Variants in KIF13A observed in about 807,000 individuals in gnomAD.
The protein encoded by KIF13A is kinesin family member 13A.
KIF13A carries 79 observed loss-of-function variants against 212.2 expected under a neutral mutation model. The ratio of observed to expected loss-of-function variants is 0.37; its 90% CI spans 0.31 to 0.45. The LOEUF (loss-of-function observed/expected upper bound fraction) is 0.45, where lower values mean the gene tolerates loss of function less well. Ranked by LOEUF, KIF13A falls within the 20% of genes least tolerant of loss-of-function variation. The pLI is 1.00. For synonymous variants in KIF13A, 789 were observed against 808.6 expected (o/e 0.98, Z 0.41); for missense variants, 1,901 against 2,209.0 (o/e 0.86, Z 2.79).
chr6:17,760,744 T>C, downstream of KIF13A: 3 of 1,093,992 alleles, frequency 2.7e-6, no homozygotes, highest in Non-Finnish European at 4.2e-6. Flanking sequence ...CAGCTTCTGG[T>C]CTGAGGTCCA....
chr6:17,931,427 A>T (rs565171335), intron 2 of KIF13A, among the ~76,000 whole-genome samples: 141 of 152,208 alleles, frequency 9.3e-4, no homozygotes, highest in Non-Finnish European at 1.2e-3. Flanking sequence ...AACACTTACC[A>T]TGTGTTTAGC....
In KIF13A at chr6:17,816,001, G is replaced by C. The variant is rs1366325831; in HGVS notation, c.2000+1019C>G. ...TGGCTTACTGTAACCATTGCCTCCT[G>C]GGTTCAAGCGATTCTCCTGCCTCAG... On this transcript the variant is annotated intron_variant, in intron 17 of 38. Coordinates refer to ENST00000259711, the MANE Select transcript of KIF13A (RefSeq NM_022113.6). This position sits in a 1 kb window ranked among gnomAD's most constrained non-coding sequence, Gnocchi z 4.3. Among the ~76,000 whole-genome samples, 1 of 151,060 alleles carries C rather than the reference G, an allele frequency of 6.6e-6. No individual in the cohort carries two copies. The highest frequency in any genetic ancestry group is 1.5e-5 in the Non-Finnish European group (1 of 67,922).
rs1031546895 is a variant in KIF13A, at chr6:17,837,425, G to T, written c.942+47C>A. 3.0e-6 allele frequency: 4 copies of T among 1,338,964 alleles called. No homozygotes were observed. The Admixed American group carries it at 7.8e-5, about 26-fold the overall frequency. The allele number at this position is 1,338,964 out of a possible 1,614,324, so 82.9% of individuals were successfully genotyped here. On this transcript the variant is annotated intron_variant, in intron 10 of 38. Transcript: ENST00000259711. This position sits in a 1 kb window ranked among gnomAD's most constrained non-coding sequence, Gnocchi z 5.4. ...ACACACCTTTACTCTGTCACATCTG[G>T]AATAGCCAATTTTTAGTTGGAAAAG...
rs1244716815 is a variant in KIF13A, at chr6:17,984,948, T to C, written c.146+2106A>G. Reference sequence around the variant, plus strand: ...CAGAGCCCAAGGGAGGAATTGTTTCTATTTTTAAATGCACTGTTACTTTAA... The same window carrying C: ...CAGAGCCCAAGGGAGGAATTGTTTCCATTTTTAAATGCACTGTTACTTTAA... On this transcript the variant is annotated intron_variant, in intron 2 of 38. Transcript: ENST00000259711. The surrounding 1 kb of genome is among the most constrained non-coding windows in gnomAD (Gnocchi z 5.0). Among the ~76,000 whole-genome samples, 1 of 152,256 alleles carries C rather than the reference T, an allele frequency of 6.6e-6. No homozygotes were observed. Among genetic ancestry groups the C allele is most frequent in the South Asian group, 2.1e-4 (1 of 4,836 alleles).
At chr6:17,976,105 T>C (rs1040232455) in intron 2 of KIF13A, among the ~76,000 whole-genome samples, 5 of 152,236 alleles carry the variant, frequency 3.3e-5, no homozygotes, top group East Asian at 1.9e-4. Flanking sequence ...ACATCCTCAC[T>C]AGACTCAGGA....
At chr6:17,821,985 C>A (rs1764499467) in intron 16 of KIF13A, 1 of 1,458,566 alleles carries the variant, frequency 6.9e-7, no homozygotes, top group East Asian at 2.5e-5. Context: ...GTGTGTATGC[C>A]CCAAAGGGAA....
At chr6:17,889,609 T>C (rs1015319792) in intron 3 of KIF13A, among the ~76,000 whole-genome samples, 5 of 152,128 alleles carry the variant, frequency 3.3e-5, no homozygotes, top group African/African-American at 1.2e-4. Flanking sequence ...TAAAATCCAA[T>C]ACATAGAAAA....
In KIF13A at chr6:17,773,787, T is replaced by C. The variant is rs938056736; in HGVS notation, c.4219-204A>G. Reference sequence around the variant, plus strand: ...AAGGTATACCCGGAGTGAATACATGTTAATATTTTATTATATTTGCTCAAG... The same window carrying C: ...AAGGTATACCCGGAGTGAATACATGCTAATATTTTATTATATTTGCTCAAG... On this transcript the variant is annotated intron_variant, in intron 35 of 38. Coordinates refer to ENST00000259711, the MANE Select transcript of KIF13A (RefSeq NM_022113.6). This position sits in a 1 kb window ranked among gnomAD's most constrained non-coding sequence, Gnocchi z 4.2. Among the ~76,000 whole-genome samples the C allele has an allele frequency of 1.3e-5, 2 of 152,236 alleles. No individual in the cohort carries two copies. The highest frequency in any genetic ancestry group is 2.4e-5 in the African/African-American group (1 of 41,466).
In KIF13A at chr6:17,772,008, A is replaced by G; in HGVS notation, c.4376T>C (p.Phe1459Ser). ...HALTVSPFKAFSPQPPKFFKP... is the reference protein window; with the variant it reads ...HALTVSPFKASSPQPPKFFKP... ...GAAAAACTTTGGTGGCTGAGGAGAG[A>G]ATGCTTTAAAAGGGCTGACGGTTAA... is the stretch of plus-strand genomic sequence containing the variant. The change falls in exon 37 of 39, where the codon TTC becomes TCC. Residue 1459 changes from phenylalanine to serine, a missense_variant. Phe to Ser is a radical substitution (Grantham distance 155, BLOSUM62 -2). Transcript: ENST00000259711. This position sits in a 1 kb window ranked among gnomAD's most constrained non-coding sequence, Gnocchi z 4.8. 6.2e-7 allele frequency: 1 copy of G among 1,613,918 alleles called. No individual in the cohort carries two copies. The highest frequency in any genetic ancestry group is 8.5e-7 in the Non-Finnish European group (1 of 1,179,840).
At chr6:17,868,338 A>G (rs1769622012) in intron 4 of KIF13A, among the ~76,000 whole-genome samples, 1 of 152,226 alleles carries the variant, frequency 6.6e-6, no homozygotes, top group Non-Finnish European at 1.5e-5. Flanking sequence ...AAATGTATTG[A>G]TTCATTGTCA....
rs917108856 is a variant in KIF13A at position 17,883,212 on chromosome 6, G to C, written c.160-9775C>G. Among the ~76,000 whole-genome samples the C allele has an allele frequency of 5.9e-5, 9 of 152,002 alleles. No homozygotes were observed. Among genetic ancestry groups the C allele is most frequent in the African/African-American group, 2.2e-4 (9 of 41,380 alleles). ...AAAAAATAACATTAGCCAGCTGCAG[G>C]GGCATGTGCCTATAGTCCCAGATAC... is the stretch of plus-strand genomic sequence containing the variant. On this transcript the variant is annotated intron_variant, in intron 3 of 38. Coordinates refer to ENST00000259711, the MANE Select transcript of KIF13A (RefSeq NM_022113.6). This position sits in a 1 kb window ranked among gnomAD's most constrained non-coding sequence, Gnocchi z 4.8.
Position 17,982,436 on chromosome 6 carries a change from C to G in KIF13A, c.146+4618G>C. 1 of 984,796 alleles carries G rather than the reference C, an allele frequency of 1.0e-6. No homozygotes were observed. Among genetic ancestry groups the G allele is most frequent in the Non-Finnish European group, 1.2e-6 (1 of 829,456 alleles). 61.0% of individuals were successfully genotyped at this position (984,796 alleles called of 1,614,324 possible). A position where few individuals can be genotyped will look rare whatever the true frequency, so the allele number is the denominator to read the frequency against. On this transcript the variant is annotated intron_variant, in intron 2 of 38. Coordinates refer to ENST00000259711, the MANE Select transcript of KIF13A (RefSeq NM_022113.6). The surrounding 1 kb of genome is among the most constrained non-coding windows in gnomAD (Gnocchi z 5.1). ...GCATTTTAGATTTCAGATGTTCAGA[C>G]AGGGATACCGCTGGTGAATAAACTA...
At chr6:17,970,603 C>T (rs922113978) in intron 2 of KIF13A, among the ~76,000 whole-genome samples, 1 of 152,164 alleles carries the variant, frequency 6.6e-6, no homozygotes, top group African/African-American at 2.4e-5. Flanking sequence ...TCTCCCCTAA[C>T]CCCCTTCTTT....
At chr6:17,788,395 C>A (rs923084850) in intron 26 of KIF13A, among the ~76,000 whole-genome samples, 4 of 152,158 alleles carry the variant, frequency 2.6e-5, no homozygotes, top group African/African-American at 9.7e-5. Flanking sequence ...CCAACCACCA[C>A]GAGGCTAAGC....
rs1760027238 is a variant in KIF13A, at chr6:17,776,846, CT to C, written c.4170+430del. Among the ~76,000 whole-genome samples, 1 of 152,142 alleles carries C rather than the reference CT, an allele frequency of 6.6e-6. No individual in the cohort carries two copies. Among genetic ancestry groups the C allele is most frequent in the Admixed American group, 6.5e-5 (1 of 15,268 alleles). ...ATAACGAAAATGGTCAAAGGAACAACTAGGGACTCCAAGAGTGCCTACATGC... is the reference window on the plus strand; with the variant it reads ...ATAACGAAAATGGTCAAAGGAACAACAGGGACTCCAAGAGTGCCTACATGC... On this transcript the variant is annotated intron_variant, in intron 34 of 38. Transcript: ENST00000259711. This position sits in a 1 kb window ranked among gnomAD's most constrained non-coding sequence, Gnocchi z 4.6.
rs1581828302 is a variant in KIF13A, at chr6:17,951,081, T to G, written c.146+35973A>C. ...CTAAGGACACCTAAGGAATTGTACT[T>G]ATTATATATAACACTTTGCCAACCA... On this transcript the variant is annotated intron_variant, in intron 2 of 38. Transcript: ENST00000259711. The surrounding 1 kb of genome is among the most constrained non-coding windows in gnomAD (Gnocchi z 4.9). 1 of 1,098,152 alleles carries G rather than the reference T, an allele frequency of 9.1e-7. No homozygotes were observed. The highest frequency in any genetic ancestry group is 5.6e-5 in the East Asian group (1 of 18,006). 68.0% of individuals were successfully genotyped at this position (1,098,152 alleles called of 1,614,324 possible). A position where few individuals can be genotyped will look rare whatever the true frequency, so the allele number is the denominator to read the frequency against.
intron 9 of KIF13A, among the ~76,000 whole-genome samples, chr6:17,847,442 G>A (rs1767185083): frequency 6.6e-6 from 1 of 152,182 alleles, no homozygotes; most frequent in Non-Finnish European, 1.5e-5. Flanking sequence ...TTCCCTGTGA[G>A]TACGGCTGTG....
At chr6:17,865,736 T>C (rs1562073128) in intron 4 of KIF13A, among the ~76,000 whole-genome samples, 1 of 152,204 alleles carries the variant, frequency 6.6e-6, no homozygotes, top group Non-Finnish European at 1.5e-5. Context: ...TTTAATCAAC[T>C]ACAGAAAAGT....
chr6:17,959,138 G>C (rs1778607304), intron 2 of KIF13A, among the ~76,000 whole-genome samples: 1 of 151,910 alleles, frequency 6.6e-6, no homozygotes, highest in African/African-American at 2.4e-5. Flanking sequence ...AAAAATTACT[G>C]TAAGTCATAT....
Sources: allele counts gnomAD v4.1 joint callset (sites outside exome capture counted in the v4.1 genomes callset), GRCh38; gene constraint gnomAD v4.1.1; non-coding constraint Gnocchi (gnomAD v3.1); transcripts MANE v1.5; gene names NCBI Gene and HGNC (gene_info 2026-07-23, HGNC 2026-07-21).